The following NYAP2 variants were observed in gnomAD, a reference collection of about 807,000 sequenced individuals.
NYAP2 encodes neuronal tyrosine-phosphorylated phosphoinositide-3-kinase adapter 2.
In NYAP2, 23 loss-of-function variants were observed where a neutral mutation model predicts 50.4. That is an observed-to-expected ratio of 0.46 (90% confidence interval 0.33 to 0.65). The LOEUF (loss-of-function observed/expected upper bound fraction) is 0.65. Ranked by LOEUF, NYAP2 falls within the 30% of genes least tolerant of loss-of-function variation. NYAP2 has a pLI of 0.02. For synonymous variants in NYAP2, 394 were observed against 365.2 expected, an observed-to-expected ratio of 1.08 and a Z score of -0.90; for missense variants, 885 against 861.0, an observed-to-expected ratio of 1.03 and a Z score of -0.35.
chr2:225,651,181 G>T (rs1478856135), intron 6 of NYAP2, among the ~76,000 whole-genome samples: 2 of 152,200 alleles, frequency 1.3e-5, no homozygotes, highest in Non-Finnish European at 2.9e-5. Context: ...AACCCTAAGT[G>T]AGGTAAAATG....
chr2:225,516,901 A>T (rs745601076), intron 4 of NYAP2, among the ~76,000 whole-genome samples: 5 of 152,206 alleles, frequency 3.3e-5, no homozygotes, highest in South Asian at 2.1e-4. Flanking sequence ...TTTACATTAA[A>T]TGCCAGAAAA....
At chr2:225,630,848 T>C (rs752486299) in intron 6 of NYAP2, among the ~76,000 whole-genome samples, 9 of 152,226 alleles carry the variant, frequency 5.9e-5, no homozygotes, top group Non-Finnish European at 1.2e-4. Context: ...AGACTGTCAA[T>C]GTGAGATGCG....
chr2:225,551,298 T>G (rs1031059891), intron 4 of NYAP2, among the ~76,000 whole-genome samples: 27 of 152,178 alleles, frequency 1.8e-4, no homozygotes, highest in African/African-American at 6.3e-4. Context: ...GCATGATAAA[T>G]ACTTGCATAT....
intron 3 of NYAP2, among the ~76,000 whole-genome samples, chr2:225,455,344 C>T (rs191285208): frequency 4.6e-5 from 7 of 152,290 alleles, no homozygotes; most frequent in Non-Finnish European, 8.8e-5. Flanking sequence ...AGGCAGTGCA[C>T]GTTCAAAATG....
At chr2:225,503,430 T>C (rs1053780494) in intron 3 of NYAP2, among the ~76,000 whole-genome samples, 1 of 152,206 alleles carries the variant, frequency 6.6e-6, no homozygotes, top group African/African-American at 2.4e-5. Context: ...TAATAACATA[T>C]GTTAATCTTA....
chr2:225,470,032 C>T (rs1689987549), intron 3 of NYAP2, among the ~76,000 whole-genome samples: 1 of 151,956 alleles, frequency 6.6e-6, no homozygotes, highest in Non-Finnish European at 1.5e-5. Flanking sequence ...GCTAACGGGC[C>T]TAACACCTAA....
At chr2:225,571,718 A>C (rs1156430093) in intron 4 of NYAP2, among the ~76,000 whole-genome samples, 1 of 152,170 alleles carries the variant, frequency 6.6e-6, no homozygotes, top group African/African-American at 2.4e-5. Context: ...GATGCTGTGA[A>C]GGCCTCTGAC....
chr2:225,512,509 C>G (rs961823677), intron 3 of NYAP2, among the ~76,000 whole-genome samples: 1 of 149,814 alleles, frequency 6.7e-6, no homozygotes, highest in Non-Finnish European at 1.5e-5. Flanking sequence ...CCCTCCCTGC[C>G]TTTCCTCCTT....
At chr2:225,621,560 A>C (rs543891784) in intron 5 of NYAP2, among the ~76,000 whole-genome samples, 2 of 152,296 alleles carry the variant, frequency 1.3e-5, no homozygotes, top group African/African-American at 4.8e-5. Flanking sequence ...ATTATACAAC[A>C]AAATGAATGT....
Position 225,582,119 on chromosome 2 carries a change from C to A in NYAP2, c.702C>A (p.Pro234=). 1 of 1,613,922 alleles carries A rather than the reference C, an allele frequency of 6.2e-7. No individual in the cohort carries two copies. Among genetic ancestry groups the A allele is most frequent in the African/African-American group, 1.3e-5 (1 of 75,038 alleles). Residue 234 remains proline (P), a synonymous_variant, in exon 5 of 7, where the codon CCC becomes CCA. Coordinates refer to ENST00000636099, the Ensembl canonical transcript of NYAP2. The surrounding 1 kb of genome is among the most constrained non-coding windows in gnomAD (Gnocchi z 7.0). The stretch of plus-strand genomic sequence containing the variant: ...CCTCCTTGTCCCAGATGGGCAGCCC[C>A]GCGGGAGACCCCGAGGAAGAGGAGC...
intron 6 of NYAP2, among the ~76,000 whole-genome samples, chr2:225,631,943 G>A (rs940232604): frequency 1.4e-4 from 21 of 152,110 alleles, no homozygotes; most frequent in African/African-American, 3.4e-4. Flanking sequence ...TCAGCCTCCC[G>A]AGTAGCTAGG....
chr2:225,430,628 G>A (rs977941872), intron 3 of NYAP2, among the ~76,000 whole-genome samples: 24 of 152,228 alleles, frequency 1.6e-4, no homozygotes, highest in African/African-American at 5.5e-4. Flanking sequence ...CCAGTCTACA[G>A]ATAAGGAAAC....
intron 4 of NYAP2, among the ~76,000 whole-genome samples, chr2:225,540,014 T>C (rs998480131): frequency 1.3e-5 from 2 of 152,198 alleles, no homozygotes; most frequent in Non-Finnish European, 2.9e-5. Flanking sequence ...AGCTAAAACA[T>C]AACAAGCATC....
intron 5 of NYAP2, among the ~76,000 whole-genome samples, chr2:225,590,822 C>G (rs1318427572): frequency 6.6e-6 from 1 of 152,174 alleles, no homozygotes; most frequent in Non-Finnish European, 1.5e-5. Flanking sequence ...TGTGGATTCT[C>G]CCAGAGGCCT....
chr2:225,683,912 T>C, the NYAP2 span, among the ~76,000 whole-genome samples: 1 of 152,172 alleles, frequency 6.6e-6, no homozygotes, highest in Admixed American at 6.5e-5. Context: ...CTCATACATA[T>C]TTGGACAAAT....
intron 5 of NYAP2, among the ~76,000 whole-genome samples, chr2:225,584,010 C>T (rs1692347902): frequency 6.6e-6 from 1 of 152,172 alleles, no homozygotes; most frequent in South Asian, 2.1e-4. Flanking sequence ...CCACTGCTCT[C>T]CAGCCTGGGC....
At chr2:225,569,470 T>A (rs1692028484) in intron 4 of NYAP2, among the ~76,000 whole-genome samples, 1 of 152,106 alleles carries the variant, frequency 6.6e-6, no homozygotes, top group Non-Finnish European at 1.5e-5. Flanking sequence ...TCGAGACTGC[T>A]TCTTTAGGCC....
At chr2:225,529,899 G>A (rs1304410498) in intron 4 of NYAP2, among the ~76,000 whole-genome samples, 1 of 151,818 alleles carries the variant, frequency 6.6e-6, no homozygotes, top group Non-Finnish European at 1.5e-5. Flanking sequence ...AGTAGAGACG[G>A]GGTTTCACCA....
rs181896828 is a variant in NYAP2, at chr2:225,582,551, G to A, written c.1134G>A (p.Ala378=). 24 of 1,583,668 alleles carry A rather than the reference G, an allele frequency of 1.5e-5. No individual in the cohort carries two copies. In the Admixed American group the frequency reaches 1.8e-4, roughly 12 times the overall value. Residue 378 remains alanine (A), a synonymous_variant, in exon 5 of 7, where the codon GCG becomes GCA. Coordinates refer to ENST00000636099, the Ensembl canonical transcript of NYAP2. The surrounding 1 kb of genome is among the most constrained non-coding windows in gnomAD (Gnocchi z 7.0). ...CTTACATGAAACAGCCAGCCGGGGCGTCGCCCTCCACGCTGCCGTCCCACG... is the reference window on the plus strand; with the variant it reads ...CTTACATGAAACAGCCAGCCGGGGCATCGCCCTCCACGCTGCCGTCCCACG...
Sources: allele counts gnomAD v4.1 joint callset (sites outside exome capture counted in the v4.1 genomes callset), GRCh38; gene constraint gnomAD v4.1.1; non-coding constraint Gnocchi (gnomAD v3.1); transcripts MANE v1.5; gene names NCBI Gene and HGNC (gene_info 2026-07-23, HGNC 2026-07-21).